Variants in UNC13C observed in about 807,000 individuals in gnomAD.
UNC13C encodes unc-13 homolog C, also known as protein unc-13 homolog C.
A neutral mutation model predicts 245.4 loss-of-function variants in UNC13C; 174 were observed. The ratio of observed to expected loss-of-function variants is 0.71; its 90% CI spans 0.63 to 0.80. UNC13C has a LOEUF of 0.80. Among genes scored for constraint, UNC13C ranks in the 30% least tolerant of loss-of-function variants. The pLI, the probability that UNC13C is intolerant of heterozygous loss-of-function variation, is 0.00. For synonymous variants in UNC13C, 992 were observed against 895.1 expected (o/e 1.11, Z -1.93); for missense variants, 2,829 against 2,602.9 (o/e 1.09, Z -1.89).
intron 4 of UNC13C, among the ~76,000 whole-genome samples, chr15:54,189,062 G>A (rs1356313691): frequency 6.6e-6 from 1 of 152,066 alleles, no homozygotes; most frequent in African/African-American, 2.4e-5. Context: ...TCAACTACTG[G>A]TAGATAATTC....
At chr15:53,999,062 C>T (rs543078095) in intron 1 of UNC13C, among the ~76,000 whole-genome samples, 1 of 151,912 alleles carries the variant, frequency 6.6e-6, no homozygotes, top group South Asian at 2.1e-4. Flanking sequence ...TGAATTTTTT[C>T]TTCTCTTGTA....
chr15:54,160,085 A>G (rs1278725966), intron 4 of UNC13C, among the ~76,000 whole-genome samples: 1 of 152,092 alleles, frequency 6.6e-6, no homozygotes, highest in Non-Finnish European at 1.5e-5. Context: ...GGAAAACTAG[A>G]CAATTGGAAG....
At chr15:54,096,533 C>T (rs1032509278) in intron 2 of UNC13C, among the ~76,000 whole-genome samples, 1 of 152,160 alleles carries the variant, frequency 6.6e-6, no homozygotes, top group Non-Finnish European at 1.5e-5. Flanking sequence ...ACGCTTTCTT[C>T]AATATGGATT....
chr15:54,232,012 A>G (rs1409473056), intron 4 of UNC13C, among the ~76,000 whole-genome samples: 1 of 152,132 alleles, frequency 6.6e-6, no homozygotes, highest in African/African-American at 2.4e-5. Context: ...TTACAAAAAT[A>G]GTTTGCATTT....
At position 54,054,340 on chromosome 15, in the gene UNC13C, C is replaced by T. The variant is rs576292149; in HGVS notation, c.2983+38454C>T. On this transcript the variant is annotated intron_variant, in intron 2 of 32. Transcript: ENST00000260323. Reference sequence around the variant, plus strand: ...CTCTTGTCAATCTCTCCCTCTTAGACTGTAAGCTCATTGGAGGTATTGACT... The same window carrying T: ...CTCTTGTCAATCTCTCCCTCTTAGATTGTAAGCTCATTGGAGGTATTGACT... Among the ~76,000 whole-genome samples, 9 of 152,296 alleles carry T rather than the reference C, an allele frequency of 5.9e-5. No individual in the cohort carries two copies. In the East Asian group the frequency reaches 9.7e-4, roughly 16 times the overall value.
chr15:53,865,190 A>G, the UNC13C span, among the ~76,000 whole-genome samples: 5 of 152,220 alleles, frequency 3.3e-5, no homozygotes, highest in African/African-American at 4.8e-5. Flanking sequence ...TCAACAGTGC[A>G]GGTGTGACTG....
intron 17 of UNC13C, among the ~76,000 whole-genome samples, chr15:54,355,975 A>G (rs971269162): frequency 2.6e-5 from 4 of 152,186 alleles, no homozygotes; most frequent in Non-Finnish European, 5.9e-5. Flanking sequence ...TTTTACACAA[A>G]TAGTAGCATA....
downstream of UNC13C, chr15:54,631,021 A>G (rs1017259473): frequency 6.6e-6 from 1 of 152,098 alleles, no homozygotes; most frequent in Admixed American, 6.5e-5. Context: ...TAAATCGATG[A>G]AAATAAAGTA....
the UNC13C span, among the ~76,000 whole-genome samples, chr15:53,884,172 C>T: frequency 9.2e-5 from 14 of 152,128 alleles, no homozygotes; most frequent in African/African-American, 2.9e-4. Context: ...ATTAACTATA[C>T]AATCCTGTTA....
intron 24 of UNC13C, among the ~76,000 whole-genome samples, chr15:54,512,876 CA>C (rs1204918528): frequency 6.6e-6 from 1 of 152,124 alleles, no homozygotes; most frequent in African/African-American, 2.4e-5. Context: ...GATGTTTTTA[CA>C]CTTCTCCAAT....
chr15:54,283,922 T>C (rs1158726541), intron 10 of UNC13C, among the ~76,000 whole-genome samples: 1 of 152,188 alleles, frequency 6.6e-6, no homozygotes, highest in East Asian at 1.9e-4. Context: ...GTCTAATACA[T>C]ATTGACCTTG....
intron 19 of UNC13C, among the ~76,000 whole-genome samples, chr15:54,485,513 C>G (rs890286027): frequency 1.3e-5 from 2 of 152,216 alleles, no homozygotes; most frequent in Non-Finnish European, 2.9e-5. Flanking sequence ...CTGCAGTAGC[C>G]TTCTGCATCT....
chr15:54,100,912 A>G (rs1900129463), intron 2 of UNC13C, among the ~76,000 whole-genome samples: 2 of 152,206 alleles, frequency 1.3e-5, no homozygotes, highest in South Asian at 2.1e-4. Context: ...AATGAATTAC[A>G]AATACATTGA....
In UNC13C at chr15:54,015,125, A is replaced by G; in HGVS notation, c.2222A>G (p.Tyr741Cys). 1 of 1,612,638 alleles carries G rather than the reference A, an allele frequency of 6.2e-7. No homozygotes were observed. Residue 741 changes from tyrosine (Y) to cysteine (C), a missense_variant, in exon 2 of 33, where the codon TAT (tyrosine) becomes TGT (cysteine). Tyr to Cys is a radical substitution (Grantham distance 194, BLOSUM62 -2). Transcript: ENST00000260323. ...QGQWVGQYDS[Y>C]QGANSNELYQ... ...CAGTGGGTTGGCCAATATGATTCTTATCAGGGAGCTAATTCTAATGAGCTA... is the reference window on the plus strand; with the variant it reads ...CAGTGGGTTGGCCAATATGATTCTTGTCAGGGAGCTAATTCTAATGAGCTA...
At chr15:54,042,521 A>C (rs1307894978) in intron 2 of UNC13C, among the ~76,000 whole-genome samples, 1 of 152,178 alleles carries the variant, frequency 6.6e-6, no homozygotes, top group Non-Finnish European at 1.5e-5. Flanking sequence ...ACCACATGTC[A>C]CCTGGTTATT....
intron 10 of UNC13C, among the ~76,000 whole-genome samples, chr15:54,281,061 G>A (rs2036983602): frequency 6.6e-6 from 1 of 151,996 alleles, no homozygotes; most frequent in African/African-American, 2.4e-5. Flanking sequence ...GCCTCCCAAA[G>A]TGCTGGGATT....
chr15:54,479,479 AT>A (rs1892981340), intron 19 of UNC13C, among the ~76,000 whole-genome samples: 1 of 151,854 alleles, frequency 6.6e-6, no homozygotes, highest in South Asian at 2.1e-4. Flanking sequence ...GGTGGAGTAA[AT>A]TTCTTTTAGG....
chr15:54,557,878 T>G (rs1006149161), intron 29 of UNC13C, among the ~76,000 whole-genome samples: 1 of 152,020 alleles, frequency 6.6e-6, no homozygotes, highest in African/African-American at 2.4e-5. Flanking sequence ...TCAAGAATGA[T>G]TAAGAAAATG....
chr15:54,297,914 A>T lies in UNC13C; in HGVS notation c.4092A>T (p.Thr1364=). ...EKVAPYHIQY[T]CLHENLFHYL... is the part of the protein sequence containing the mutation. ...TTGCTCCATATCATATTCAATATAC[A>T]TGTTTACATGAGGTAAATAAATGGA... is the stretch of plus-strand genomic sequence containing the variant. Residue 1364 remains threonine (T), a synonymous_variant, in exon 12 of 33, where the codon ACA becomes ACT. Coordinates refer to ENST00000260323, the MANE Select transcript of UNC13C (RefSeq NM_001080534.3). 6.4e-7 allele frequency: 1 copy of T among 1,568,886 alleles called. No individual in the cohort carries two copies. The highest frequency in any genetic ancestry group is 8.7e-7 in the Non-Finnish European group (1 of 1,149,922).
Sources: allele counts gnomAD v4.1 joint callset (sites outside exome capture counted in the v4.1 genomes callset), GRCh38; gene constraint gnomAD v4.1.1; transcripts MANE v1.5; gene names NCBI Gene and HGNC (gene_info 2026-07-23, HGNC 2026-07-21).